Variants in GPHN observed in about 807,000 individuals in gnomAD.
GPHN encodes the protein gephyrin.
A neutral mutation model predicts 95.5 loss-of-function variants in GPHN; 17 were observed. The observed-to-expected ratio is 0.18, with a 90% CI of 0.12 to 0.27. The LOEUF (loss-of-function observed/expected upper bound fraction) is 0.27, where lower values mean the gene tolerates loss of function less well. Among genes scored for constraint, GPHN ranks in the 10% least tolerant of loss-of-function variants. The pLI is 1.00. For missense variants in GPHN, 660 were observed against 978.1 expected (o/e 0.67, Z 4.34); for synonymous variants, 320 against 322.5 (o/e 0.99, Z 0.08).
At chr14:67,057,391 A>G (rs1277282357) in intron 10 of GPHN, among the ~76,000 whole-genome samples, 4 of 145,118 alleles carry the variant, frequency 2.8e-5, no homozygotes, top group South Asian at 2.3e-4. Flanking sequence ...TTGAACAACA[A>G]GAACACATGG....
At chr14:66,800,617 T>G (rs2060313458) in intron 3 of GPHN, among the ~76,000 whole-genome samples, 1 of 152,088 alleles carries the variant, frequency 6.6e-6, no homozygotes, top group Non-Finnish European at 1.5e-5. Context: ...TTAAGATCCT[T>G]TCTTTATCCT....
intron 1 of GPHN, among the ~76,000 whole-genome samples, chr14:66,641,964 G>A (rs974535372): frequency 6.6e-6 from 1 of 152,122 alleles, no homozygotes; most frequent in African/African-American, 2.4e-5. Flanking sequence ...CAAAATAAGT[G>A]TAAGAGAGAG....
At chr14:67,663,595 A>C in the GPHN span, among the ~76,000 whole-genome samples, 127 of 152,218 alleles carry the variant, frequency 8.3e-4, no homozygotes, top group Middle Eastern at 6.8e-3. Flanking sequence ...AATGGTGTGA[A>C]CCCAGGAGGC....
In GPHN at chr14:66,508,935, T is replaced by C. The variant is rs376265790; in HGVS notation, c.64+344T>C. Reference sequence around the variant, plus strand: ...GCGGCGGGATCCCGGCTCCGCAGTCTGAAGCATGCCGCTCTCGGCTGGCCT... The same window carrying C: ...GCGGCGGGATCCCGGCTCCGCAGTCCGAAGCATGCCGCTCTCGGCTGGCCT... On this transcript the variant is annotated intron_variant, in intron 1 of 22. Transcript: ENST00000478722. 32 of 368,580 alleles carry C rather than the reference T, an allele frequency of 8.7e-5. No homozygotes were observed. The East Asian group carries it at 2.1e-3, about 25-fold the overall frequency. The allele number at this position is 368,580 out of a possible 1,614,324, so 22.8% of individuals were successfully genotyped here.
chr14:67,039,544 A>G (rs1018115432), intron 10 of GPHN, among the ~76,000 whole-genome samples: 9 of 152,234 alleles, frequency 5.9e-5, no homozygotes, highest in African/African-American at 2.2e-4. Flanking sequence ...CTGTAATCCC[A>G]GCACTTTGGG....
intron 4 of GPHN, among the ~76,000 whole-genome samples, chr14:66,859,021 T>C (rs2062915083): frequency 6.6e-6 from 1 of 152,114 alleles, no homozygotes; most frequent in African/African-American, 2.4e-5. Context: ...TAAGGTTTTT[T>C]TTAATTCCAG....
intron 9 of GPHN, among the ~76,000 whole-genome samples, chr14:67,016,497 G>C (rs1057410032): frequency 6.6e-6 from 1 of 151,804 alleles, no homozygotes; most frequent in Non-Finnish European, 1.5e-5. Context: ...AATGAAAGAA[G>C]ATAATAAATA....
intron 1 of GPHN, among the ~76,000 whole-genome samples, chr14:66,559,533 T>G (rs943902840): frequency 6.6e-6 from 1 of 151,692 alleles, no homozygotes; most frequent in Non-Finnish European, 1.5e-5. Context: ...TGCATAAATG[T>G]CTTCTTTTGA....
At chr14:66,562,712 G>A (rs1180181292) in intron 1 of GPHN, among the ~76,000 whole-genome samples, 2 of 152,134 alleles carry the variant, frequency 1.3e-5, no homozygotes, top group Admixed American at 6.6e-5. Flanking sequence ...ATCAATGGAA[G>A]ATAAGGGATA....
the GPHN span, chr14:67,724,720 G>A: frequency 1.3e-6 from 1 of 763,524 alleles, no homozygotes; most frequent in Admixed American, 2.0e-5. Flanking sequence ...AAGGAACCTG[G>A]GATTCAAGTC....
At chr14:67,290,836 G>C in the GPHN span, among the ~76,000 whole-genome samples, 3 of 152,086 alleles carry the variant, frequency 2.0e-5, no homozygotes, top group African/African-American at 7.2e-5. Context: ...CGCCTGGCCA[G>C]GAATGATTAT....
chr14:66,853,861 T>C (rs1421968216), intron 4 of GPHN, among the ~76,000 whole-genome samples: 2 of 152,134 alleles, frequency 1.3e-5, no homozygotes, highest in Non-Finnish European at 2.9e-5. Flanking sequence ...ATAATTTGAG[T>C]TTTTACTGAA....
the GPHN span, among the ~76,000 whole-genome samples, chr14:67,342,893 GCAGT>G: frequency 1.2e-4 from 19 of 152,062 alleles, no homozygotes; most frequent in East Asian, 3.3e-3. Flanking sequence ...TCAACACTAA[GCAGT>G]CATATTTTTT....
chr14:66,616,934 C>A (rs778975520), intron 1 of GPHN, among the ~76,000 whole-genome samples: 21 of 152,154 alleles, frequency 1.4e-4, no homozygotes, highest in Non-Finnish European at 5.9e-5. Flanking sequence ...TCTTGATCTC[C>A]TGACCTCGTG....
At chr14:66,582,762 A>C (rs1360337529) in intron 1 of GPHN, among the ~76,000 whole-genome samples, 1 of 151,854 alleles carries the variant, frequency 6.6e-6, no homozygotes, top group South Asian at 2.1e-4. Context: ...TATGTGCCAC[A>C]TTTTCTTAAT....
chr14:67,065,704 G>C (rs2076025137), intron 11 of GPHN, among the ~76,000 whole-genome samples: 1 of 149,580 alleles, frequency 6.7e-6, no homozygotes, highest in African/African-American at 2.5e-5. Context: ...TGTCTCTTTT[G>C]ATCTTTGTTG....
intron 13 of GPHN, among the ~76,000 whole-genome samples, chr14:67,103,511 CTTT>C: frequency 0.02 from 1,053 of 53,314 alleles, 1 homozygote; most frequent in Non-Finnish European, 0.024. Context: ...GTTTCTTTCT[CTTT>C]TTTTTTTTTT....
intron 3 of GPHN, among the ~76,000 whole-genome samples, chr14:66,822,741 T>C (rs2061246187): frequency 6.6e-6 from 1 of 152,204 alleles, no homozygotes; most frequent in Admixed American, 6.5e-5. Context: ...TGAAAGTTGG[T>C]ATTTGATATA....
At position 66,873,643 on chromosome 14, in the gene GPHN, G is replaced by A. The variant is rs184950436; in HGVS notation, c.295-6296G>A. ...TTCCCCTCACAGCATAAACAAAGCA[G>A]CTGGAAGTTCGGACTGGACAGAGCC... On this transcript the variant is annotated intron_variant, in intron 4 of 22. Transcript: ENST00000478722. Among the ~76,000 whole-genome samples, 37 of 152,292 alleles carry A rather than the reference G, an allele frequency of 2.4e-4. 1 individual carries two copies. The highest frequency in any genetic ancestry group is 8.7e-4 in the African/African-American group (36 of 41,582).
Sources: gnomAD v4.1 joint callset for allele counts (sites outside exome capture counted in the v4.1 genomes callset) on GRCh38, gnomAD v4.1.1 for gene constraint, MANE v1.5 for transcripts, NCBI Gene and HGNC (gene_info 2026-07-23, HGNC 2026-07-21) for gene names.